Variants in ATP5MC1 observed in about 807,000 individuals in gnomAD.
ATP5MC1 encodes the protein ATP synthase membrane subunit c locus 1, also known as ATP synthase F(0) complex subunit C1, mitochondrial.
Under a neutral mutation model 12.1 loss-of-function variants are expected in ATP5MC1, and 4 were observed. The ratio of observed to expected loss-of-function variants is 0.33; its 90% confidence interval spans 0.16 to 0.76. The LOEUF (loss-of-function observed/expected upper bound fraction) is 0.76. Ranked by LOEUF, ATP5MC1 falls within the 30% of genes least tolerant of loss-of-function variation. The pLI is 0.61. For missense variants in ATP5MC1, 117 were observed against 172.1 expected (o/e 0.68, Z 1.79); for synonymous variants, 52 against 66.0 (o/e 0.79, Z 1.03).
intron 3 of ATP5MC1, chr17:48,894,891 C>T: frequency 1.6e-6 from 1 of 615,088 alleles, no homozygotes; most frequent in Non-Finnish European, 3.0e-6. Flanking sequence ...GTTCTAAGTC[C>T]CCCAAGGTAA....
Position 48,895,848 on chromosome 17 carries a change from C to G in ATP5MC1, c.*79C>G. The stretch of plus-strand genomic sequence containing the variant: ...GGTGCTGGGGTGTGTTAAGCTTTAC[C>G]ATTAAACACAACGTTTCTCTAAACC... On this transcript the variant is annotated 3_prime_UTR_variant, in exon 5 of 5. Coordinates refer to ENST00000393366, the MANE Select transcript of ATP5MC1 (RefSeq NM_005175.3). 7.4e-7 allele frequency: 1 copy of G among 1,344,272 alleles called. No homozygotes were observed. Among genetic ancestry groups the G allele is most frequent in the Non-Finnish European group, 1.1e-6 (1 of 943,658 alleles). 83.3% of individuals were successfully genotyped at this position (1,344,272 alleles called of 1,614,324 possible). A position where few individuals can be genotyped will look rare whatever the true frequency, so the allele number is the denominator to read the frequency against.
At chr17:48,893,261 A>G in intron 1 of ATP5MC1, 148 bp from the exon 2 acceptor site, 1 of 729,710 alleles carries the variant, frequency 1.4e-6, no homozygotes. Context: ...CTGACCTCTA[A>G]TGCCCTCCTC....
Position 48,895,842 on chromosome 17 carries a change from C to T in ATP5MC1, c.*73C>T, listed in dbSNP as rs1482448324. 2.9e-6 allele frequency: 4 copies of T among 1,400,760 alleles called. No homozygotes were observed. The highest frequency in any genetic ancestry group is 2.3e-5 in the East Asian group (1 of 43,826). 86.8% of individuals were successfully genotyped at this position (1,400,760 alleles called of 1,614,324 possible). On this transcript the variant is annotated 3_prime_UTR_variant, in exon 5 of 5. Coordinates refer to ENST00000393366, the MANE Select transcript of ATP5MC1 (RefSeq NM_005175.3). Reference sequence around the variant, plus strand: ...ATTCTTGGTGCTGGGGTGTGTTAAGCTTTACCATTAAACACAACGTTTCTC... The same window carrying T: ...ATTCTTGGTGCTGGGGTGTGTTAAGTTTTACCATTAAACACAACGTTTCTC...
Position 48,893,395 on chromosome 17 carries a change from T to C in ATP5MC1, c.-9-14T>C. ...TCAGTGGGATTATTATTACTATTTT[T>C]TCCCCCTCTGCAGACTGAAAAAATG... is the stretch of plus-strand genomic sequence containing the variant. On this transcript the variant is annotated splice_polypyrimidine_tract_variant and intron_variant, in intron 1 of 4. Coordinates refer to ENST00000393366, the MANE Select transcript of ATP5MC1 (RefSeq NM_005175.3). 2 of 1,613,642 alleles carry C rather than the reference T, an allele frequency of 1.2e-6. No individual in the cohort carries two copies. The highest frequency in any genetic ancestry group is 3.3e-5 in the Admixed American group (2 of 59,948).
Position 48,895,139 on chromosome 17 carries a change from C to G in ATP5MC1, c.118-17C>G, listed in dbSNP as rs936919419. 1.1e-5 allele frequency: 17 copies of G among 1,594,434 alleles called. No individual in the cohort carries two copies. The highest frequency in any genetic ancestry group is 1.5e-5 in the Non-Finnish European group (17 of 1,165,020). On this transcript the variant is annotated splice_polypyrimidine_tract_variant and intron_variant, in intron 3 of 4. Transcript: ENST00000393366. ...ACTATCTCTCTGCTATCTCGCCTGCCTTGCTTCTCTTTCTAGCCTTCCTAC... is the reference window on the plus strand; with the variant it reads ...ACTATCTCTCTGCTATCTCGCCTGCGTTGCTTCTCTTTCTAGCCTTCCTAC...
chr17:48,894,539 G>A lies in ATP5MC1; in HGVS notation c.117+90G>A, dbSNP rs115367158. Reference sequence around the variant, plus strand: ...TCCCAGCTCTTTGAGAGGCTGAGGCGAGAGGATCACTTGAGCCCAGTTGTT... The same window carrying A: ...TCCCAGCTCTTTGAGAGGCTGAGGCAAGAGGATCACTTGAGCCCAGTTGTT... On this transcript the variant is annotated intron_variant, in intron 3 of 4. Transcript: ENST00000393366. 1.3e-3 allele frequency: 1,700 copies of A among 1,331,290 alleles called. 14 individuals carry two copies. The African/African-American group carries it at 0.02, about 16-fold the overall frequency. The allele number at this position is 1,331,290 out of a possible 1,614,324, so 82.5% of individuals were successfully genotyped here.
rs2040542083 is a variant in ATP5MC1 at position 48,892,851 on chromosome 17, C to G, written c.-69C>G. 6.5e-6 allele frequency: 1 copy of G among 154,336 alleles called. No individual in the cohort carries two copies. The highest frequency in any genetic ancestry group is 2.4e-5 in the African/African-American group (1 of 41,398). The allele number at this position is 154,336 out of a possible 1,614,324, so 9.6% of individuals were successfully genotyped here. ...GGCTAAAGCTGGGAGGTGAGTCTGTCACCTTGAGCCGGGCGAGCGCTGTGG... is the reference window on the plus strand; with the variant it reads ...GGCTAAAGCTGGGAGGTGAGTCTGTGACCTTGAGCCGGGCGAGCGCTGTGG... On this transcript the variant is annotated 5_prime_UTR_variant, in exon 1 of 5. Transcript: ENST00000393366.
chr17:48,894,218 G>C, intron 2 of ATP5MC1, 154 bp from the exon 3 acceptor site: 1 of 713,482 alleles, frequency 1.4e-6, no homozygotes, highest in South Asian at 1.7e-5. Flanking sequence ...GCTGTCTCTG[G>C]GGCAGGCCTA....
chr17:48,893,276 G>T, intron 1 of ATP5MC1, 133 bp from the exon 2 acceptor site: 3 of 856,272 alleles, frequency 3.5e-6, no homozygotes, highest in Non-Finnish European at 5.4e-6. Flanking sequence ...CTCCTCAGCT[G>T]GGGCACGGTG....
chr17:48,895,076 G>A (rs1443007280), intron 3 of ATP5MC1, 80 bp from the exon 4 acceptor site: 3 of 1,525,314 alleles, frequency 2.0e-6, no homozygotes, highest in Non-Finnish European at 2.7e-6. Flanking sequence ...GGTGGGTGGG[G>A]TGAAGGAGGT....
intron 2 of ATP5MC1, chr17:48,894,010 AT>A: frequency 8.2e-6 from 2 of 245,028 alleles, no homozygotes; most frequent in Non-Finnish European, 1.6e-5. Flanking sequence ...CTGTGAGTGT[AT>A]TTTAGCAGAA....
chr17:48,894,478 G>A, intron 3 of ATP5MC1, 29 bp downstream of exon 3: 1 of 1,604,440 alleles, frequency 6.2e-7, no homozygotes, highest in Non-Finnish European at 8.5e-7. Flanking sequence ...TCTTAGGAAT[G>A]TTCCCAAGGC....
Position 48,895,709 on chromosome 17 carries a change from G to A in ATP5MC1, c.351G>A (p.Leu117=), listed in dbSNP as rs13905. ...LFSYAILGFA[L]SEAMGLFCLM... is the part of the protein sequence containing the mutation. ...CCTATGCCATTCTTGGCTTTGCCCTGTCTGAGGCCATGGGGCTTTTCTGTT... is the reference window on the plus strand; with the variant it reads ...CCTATGCCATTCTTGGCTTTGCCCTATCTGAGGCCATGGGGCTTTTCTGTT... The change falls in exon 5 of 5, where the codon CTG becomes CTA. Residue 117 remains leucine, a synonymous_variant. Coordinates refer to ENST00000393366, the MANE Select transcript of ATP5MC1 (RefSeq NM_005175.3). The A allele has an allele frequency of 1.2e-5, 20 of 1,613,956 alleles. No individual in the cohort carries two copies. The African/African-American group carries it at 2.0e-4, about 16-fold the overall frequency.
At chr17:48,893,480 C>G (rs2040547544) in intron 2 of ATP5MC1, 24 bp downstream of exon 2, 1 of 1,613,064 alleles carries the variant, frequency 6.2e-7, no homozygotes, top group Non-Finnish European at 8.5e-7. Context: ...CCGCAGTGCT[C>G]TGTAGTACCA....
intron 3 of ATP5MC1, chr17:48,894,934 T>C: frequency 1.5e-6 from 1 of 670,742 alleles, no homozygotes; most frequent in Non-Finnish European, 2.7e-6. Flanking sequence ...AAAAGTGAGG[T>C]GTGCCTAACC....
intron 2 of ATP5MC1, 37 bp downstream of exon 2, chr17:48,893,493 T>G (rs760557810): frequency 1.9e-6 from 3 of 1,610,504 alleles, no homozygotes. Flanking sequence ...TAGTACCAGG[T>G]GTATGGTGTG....
At chr17:48,894,202 G>T (rs2040552647) in intron 2 of ATP5MC1, 170 bp from the exon 3 acceptor site, 3 of 640,070 alleles carry the variant, frequency 4.7e-6, no homozygotes, top group Non-Finnish European at 5.5e-6. Flanking sequence ...TCAAGCTATT[G>T]AGACAGCTGT....
intron 3 of ATP5MC1, chr17:48,894,787 T>A (rs1320777114): frequency 3.9e-5 from 20 of 519,446 alleles, no homozygotes; most frequent in Non-Finnish European, 6.3e-5. Context: ...TAATTTTTTT[T>A]AAATCAAGGA....
At chr17:48,893,343 C>A in intron 1 of ATP5MC1, 66 bp from the exon 2 acceptor site, 1 of 1,551,948 alleles carries the variant, frequency 6.4e-7, no homozygotes, top group South Asian at 1.1e-5. Context: ...GACCAAAGGT[C>A]GTCATTATAA....
Sources: gnomAD v4.1 joint callset for allele counts on GRCh38, gnomAD v4.1.1 for gene constraint, MANE v1.5 for transcripts, NCBI Gene and HGNC (gene_info 2026-07-23, HGNC 2026-07-21) for gene names.